The following ZFAND3 variants were observed in gnomAD, a reference collection of about 807,000 sequenced individuals.
The protein encoded by ZFAND3 is AN1-type zinc finger protein 3.
A neutral mutation model predicts 29.6 loss-of-function variants in ZFAND3; 10 were observed. That is an observed-to-expected ratio of 0.34 (90% CI 0.21 to 0.57). ZFAND3 has a LOEUF of 0.57. Ranked by LOEUF, ZFAND3 falls within the 20% of genes least tolerant of loss-of-function variation. ZFAND3 has a pLI of 0.86. For missense variants in ZFAND3, 230 were observed against 304.5 expected (o/e 0.76, Z 1.82); for synonymous variants, 128 against 112.6 (o/e 1.14, Z -0.87).
chr6:37,896,514 T>TTTTCTTTTTCTTTC (rs71542145), intron 1 of ZFAND3, among the ~76,000 whole-genome samples: 1 of 109,178 alleles, frequency 9.2e-6, no homozygotes, highest in South Asian at 3.3e-4. Context: ...TTCCTCTTTC[T>TTTTCTTTTTCTTTC]TTTCTTTCTT....
chr6:38,051,712 A>G (rs986254567), intron 2 of ZFAND3, among the ~76,000 whole-genome samples: 2 of 152,260 alleles, frequency 1.3e-5, no homozygotes, highest in African/African-American at 4.8e-5. Context: ...CGCACACAGC[A>G]TAAAGTGCAT....
chr6:37,999,073 T>C lies in ZFAND3; in HGVS notation c.113-62520T>C, dbSNP rs751356456. ...AGTTCTAGGACTGGAGTAGGAAATA[T>C]ATAAATTGAGCTTTGAACATATTAT... is the stretch of plus-strand genomic sequence containing the variant. On this transcript the variant is annotated intron_variant, in intron 2 of 5. Transcript: ENST00000287218. 4.1e-4 allele frequency among the ~76,000 whole-genome samples: 62 copies of C among 152,262 alleles called. 2 individuals carry two copies. Among genetic ancestry groups the C allele is most frequent in the Admixed American group, 5.9e-4 (9 of 15,280 alleles).
At chr6:37,825,843 G>T (rs985783747) in intron 1 of ZFAND3, among the ~76,000 whole-genome samples, 1 of 152,106 alleles carries the variant, frequency 6.6e-6, no homozygotes, top group Non-Finnish European at 1.5e-5. Flanking sequence ...ACCAAGAACA[G>T]TATATAAAAG....
At chr6:37,910,792 G>A (rs190662791) in intron 1 of ZFAND3, among the ~76,000 whole-genome samples, 78 of 152,276 alleles carry the variant, frequency 5.1e-4, no homozygotes, top group Non-Finnish European at 8.8e-5. Context: ...ATGAGATCAT[G>A]TGGTATTTGT....
intron 5 of ZFAND3, among the ~76,000 whole-genome samples, chr6:38,145,932 C>G (rs960287135): frequency 2.6e-5 from 4 of 152,206 alleles, no homozygotes; most frequent in African/African-American, 9.7e-5. Flanking sequence ...CTGCTTTTCT[C>G]ATTCACATGG....
In ZFAND3 at chr6:38,123,605, A is replaced by G. The variant is rs191524609; in HGVS notation, c.529+6866A>G. On this transcript the variant is annotated intron_variant, in intron 5 of 5. Coordinates refer to ENST00000287218, the MANE Select transcript of ZFAND3 (RefSeq NM_021943.3). ...ATTATTGCCATTGTGTGGAGAGTCC[A>G]TGCTCTACTATGAGTTATAGGGAGA... Among the ~76,000 whole-genome samples, 233 of 152,322 alleles carry G rather than the reference A, an allele frequency of 1.5e-3. 1 individual carries two copies. Among genetic ancestry groups the G allele is most frequent in the African/African-American group, 5.2e-3 (215 of 41,580 alleles).
intron 1 of ZFAND3, among the ~76,000 whole-genome samples, chr6:37,872,906 G>A (rs553466870): frequency 6.6e-6 from 1 of 152,310 alleles, no homozygotes; most frequent in African/African-American, 2.4e-5. Context: ...CCAAACAGTT[G>A]GCTAATGTGG....
At chr6:37,874,230 T>C (rs1764751006) in intron 1 of ZFAND3, among the ~76,000 whole-genome samples, 1 of 152,148 alleles carries the variant, frequency 6.6e-6, no homozygotes, top group Non-Finnish European at 1.5e-5. Flanking sequence ...TAATTTCCCT[T>C]TTTGGCCGGA....
chr6:38,026,514 T>A (rs1352237178), intron 2 of ZFAND3, among the ~76,000 whole-genome samples: 1 of 133,342 alleles, frequency 7.5e-6, no homozygotes, highest in East Asian at 2.7e-4. Context: ...CACTGCAACC[T>A]CTGCCTCCAG....
chr6:37,895,478 T>C (rs1489917394), intron 1 of ZFAND3, among the ~76,000 whole-genome samples: 1 of 147,574 alleles, frequency 6.8e-6, no homozygotes, highest in Non-Finnish European at 1.5e-5. Flanking sequence ...TTTTTTTTTT[T>C]TTTTATCTTA....
chr6:38,151,449 C>T (rs1366015583), intron 5 of ZFAND3, among the ~76,000 whole-genome samples: 3 of 144,244 alleles, frequency 2.1e-5, no homozygotes, highest in Non-Finnish European at 4.6e-5. Context: ...GCTGGGGGTC[C>T]GAGTGTGGGC....
intron 5 of ZFAND3, among the ~76,000 whole-genome samples, chr6:38,144,173 TATATATATATA>T (rs1554183922): frequency 0.035 from 642 of 18,366 alleles, 28 homozygotes; most frequent in African/African-American, 0.15. Context: ...AAAAATGTGA[TATATATATATA>T]ATATATATAT....
At chr6:38,004,018 T>TA (rs1214782767) in intron 2 of ZFAND3, among the ~76,000 whole-genome samples, 1 of 152,164 alleles carries the variant, frequency 6.6e-6, no homozygotes, top group Non-Finnish European at 1.5e-5. Context: ...GTTGTTATCT[T>TA]TTATATGAAA....
At chr6:38,030,646 GA>G (rs1467755522) in intron 2 of ZFAND3, among the ~76,000 whole-genome samples, 1 of 151,912 alleles carries the variant, frequency 6.6e-6, no homozygotes, top group Non-Finnish European at 1.5e-5. Context: ...AGGGGAGAAA[GA>G]AAACAATTGT....
chr6:37,991,458 T>C (rs1762757662), intron 2 of ZFAND3, among the ~76,000 whole-genome samples: 1 of 152,130 alleles, frequency 6.6e-6, no homozygotes, highest in African/African-American at 2.4e-5. Context: ...GTTCAAGTGA[T>C]TCTCCTGCCT....
intron 2 of ZFAND3, among the ~76,000 whole-genome samples, chr6:37,983,343 C>CTTTTTTTTTTTTTTTT (rs70981516): frequency 1.4e-4 from 7 of 50,044 alleles, no homozygotes; most frequent in African/African-American, 4.0e-4. Flanking sequence ...CAGTTTTTAT[C>CTTTTTTTTTTTTTTTT]TTTTTTTTTT....
intron 1 of ZFAND3, among the ~76,000 whole-genome samples, chr6:37,876,206 G>A (rs1446285085): frequency 6.6e-6 from 1 of 152,218 alleles, no homozygotes; most frequent in Non-Finnish European, 1.5e-5. Flanking sequence ...GGGCACAGCA[G>A]AAATGAAATC....
At chr6:38,014,490 C>A (rs1406608111) in intron 2 of ZFAND3, among the ~76,000 whole-genome samples, 1 of 151,980 alleles carries the variant, frequency 6.6e-6, no homozygotes, top group Non-Finnish European at 1.5e-5. Context: ...CCATGCCCAG[C>A]TAATTTTTGT....
chr6:38,144,285 T>C (rs1234977206), intron 5 of ZFAND3, among the ~76,000 whole-genome samples: 3 of 149,690 alleles, frequency 2.0e-5, no homozygotes, highest in Admixed American at 2.0e-4. Context: ...TCGGGGATAT[T>C]TGTCATTTAT....
Sources: allele counts gnomAD v4.1 joint callset (sites outside exome capture counted in the v4.1 genomes callset), GRCh38; gene constraint gnomAD v4.1.1; transcripts MANE v1.5; gene names NCBI Gene and HGNC (gene_info 2026-07-23, HGNC 2026-07-21).